AP2A1: variants seen among roughly 807,000 people sequenced by gnomAD.
AP2A1 encodes adaptor related protein complex 2 subunit alpha 1, also known as AP-2 complex subunit alpha-1.
In AP2A1, 21 loss-of-function variants were observed where a neutral mutation model predicts 107.3. That is an observed-to-expected ratio of 0.20 (90% CI 0.14 to 0.28). The LOEUF is 0.28. Among genes scored for constraint, AP2A1 ranks in the 10% least tolerant of loss-of-function variants. AP2A1 has a pLI of 1.00. For synonymous variants in AP2A1, 602 were observed against 564.8 expected, an observed-to-expected ratio of 1.07 and a Z score of -0.93; for missense variants, 873 against 1,307.7, an observed-to-expected ratio of 0.67 and a Z score of 5.13.
At chr19:49,779,770 A>G (rs182831891) in intron 1 of AP2A1, among the ~76,000 whole-genome samples, 40 of 152,302 alleles carry the variant, frequency 2.6e-4, no homozygotes, top group African/African-American at 9.6e-4. Context: ...TGTCTTCTAA[A>G]TCCCGTGTAT....
intron 22 of AP2A1, chr19:49,806,474 T>G (rs2073387913): frequency 2.8e-6 from 4 of 1,440,456 alleles, no homozygotes; most frequent in East Asian, 2.5e-5. Flanking sequence ...GATTTCTACC[T>G]TTCCATATCC....
At position 49,801,759 on chromosome 19, in the gene AP2A1, G is replaced by A. The variant is rs2123752608; in HGVS notation, c.1823G>A (p.Arg608His). ...GAGGAGATGCCGCCCTTCCCCGAGC[G>A]CGAGTCGTCCATCCTGGCCAAGCTG... The part of the protein sequence containing the change: ...VLEEMPPFPE[R>H]ESSILAKLKR... The change falls in exon 14 of 23, where the codon CGC (arginine) becomes CAC (histidine). Residue 608 changes from arginine (R) to histidine (H), a missense_variant. Coordinates refer to ENST00000354293, the MANE Select transcript of AP2A1 (RefSeq NM_130787.3). The A allele has an allele frequency of 1.3e-6, 2 of 1,567,106 alleles. No homozygotes were observed. The highest frequency in any genetic ancestry group is 8.6e-7 in the Non-Finnish European group (1 of 1,158,668).
chr19:49,774,205 A>G lies in AP2A1; in HGVS notation c.67+7005A>G, dbSNP rs529721006. On this transcript the variant is annotated intron_variant, in intron 1 of 22. Transcript: ENST00000354293. The stretch of plus-strand genomic sequence containing the variant: ...GGTTATTGTGTGATGGCTTTGGTCC[A>G]CAAATCCGCATTCAACACCTCCCCT... 2.6e-5 allele frequency among the ~76,000 whole-genome samples: 4 copies of G among 152,302 alleles called. No individual in the cohort carries two copies. The South Asian group carries it at 8.3e-4, about 32-fold the overall frequency.
In AP2A1 at chr19:49,806,193, C is replaced by G; in HGVS notation, c.2730C>G (p.Ile910Met). 1 of 1,600,528 alleles carries G rather than the reference C, an allele frequency of 6.2e-7. No individual in the cohort carries two copies. Among genetic ancestry groups the G allele is most frequent in the Non-Finnish European group, 8.5e-7 (1 of 1,174,004 alleles). The change falls in exon 22 of 23, where the codon ATC (isoleucine) becomes ATG (methionine). Residue 910 changes from isoleucine (I) to methionine (M), a missense_variant. Ile to Met is a conservative substitution (Grantham distance 10). Around this residue, in one of 4 missense-constraint regions of AP2A1, gnomAD observed 416 missense variants for 473.4 expected, o/e 0.88. Transcript: ENST00000354293. ...NPENFVGAGIIQTKALQVGCL... is the reference protein window; with the variant it reads ...NPENFVGAGIMQTKALQVGCL... ...AGAACTTCGTGGGGGCGGGGATCAT[C>G]CAGACTAAAGCCCTGCAGGTGGGCT...
In AP2A1 at chr19:49,785,013, C is replaced by T. The variant is rs2084720552; in HGVS notation, c.473+2289C>T. ...ACTGAAGAAAGACATCAAAATGCAG[C>T]CCAAAGAAGACAAAGCGATGGGGAT... On this transcript the variant is annotated intron_variant, in intron 4 of 22. Transcript: ENST00000354293. The surrounding 1 kb of genome is among the most constrained non-coding windows in gnomAD (Gnocchi z 4.1). Among the ~76,000 whole-genome samples, 1 of 152,136 alleles carries T rather than the reference C, an allele frequency of 6.6e-6. No individual in the cohort carries two copies. Among genetic ancestry groups the T allele is most frequent in the Non-Finnish European group, 1.5e-5 (1 of 68,042 alleles).
intron 4 of AP2A1, among the ~76,000 whole-genome samples, chr19:49,791,197 C>T (rs2073138164): frequency 6.6e-6 from 1 of 152,178 alleles, no homozygotes. Context: ...AGTCTTTCCT[C>T]CTTAAGTTAC....
At chr19:49,775,029 G>A (rs11669134) in intron 1 of AP2A1, among the ~76,000 whole-genome samples, 28,667 of 151,760 alleles carry the variant, frequency 0.19, 2,912 homozygotes, top group Non-Finnish European at 0.23. Context: ...TTTGAGAACA[G>A]CCTAGGCAAC....
chr19:49,805,659 A>T lies in AP2A1; in HGVS notation c.2469-2A>T. On this transcript the variant is annotated splice_acceptor_variant, in intron 19 of 22. Transcript: ENST00000354293. LOFTEE classifies it high-confidence loss of function. The stretch of plus-strand genomic sequence containing the variant: ...AATGGAGCCTCCCTTTCACCTCATC[A>T]GGTACGGTGGCGCCCCCCAGGCCCT... The T allele has an allele frequency of 6.4e-7, 1 of 1,559,724 alleles. No individual in the cohort carries two copies. Among genetic ancestry groups the T allele is most frequent in the Non-Finnish European group, 8.7e-7 (1 of 1,152,648 alleles).
At chr19:49,787,859 T>A (rs1465428386) in intron 4 of AP2A1, among the ~76,000 whole-genome samples, 7 of 152,202 alleles carry the variant, frequency 4.6e-5, no homozygotes, top group Non-Finnish European at 8.8e-5. Context: ...GGACATTTCA[T>A]AGAAATGGAA....
chr19:49,791,309 C>T (rs1233158571), intron 4 of AP2A1, among the ~76,000 whole-genome samples: 2 of 152,132 alleles, frequency 1.3e-5, no homozygotes, highest in Non-Finnish European at 2.9e-5. Flanking sequence ...GGTGCACTGC[C>T]GCCTCGACCT....
intron 4 of AP2A1, among the ~76,000 whole-genome samples, chr19:49,786,229 T>TA (rs1468378798): frequency 6.6e-6 from 1 of 151,980 alleles, no homozygotes; most frequent in African/African-American, 2.4e-5. Context: ...ACACCCTGTC[T>TA]AAAAAAAATA....
At chr19:49,787,965 G>A (rs991643289) in intron 4 of AP2A1, among the ~76,000 whole-genome samples, 1 of 151,962 alleles carries the variant, frequency 6.6e-6, no homozygotes, top group Non-Finnish European at 1.5e-5. Context: ...TGATTTGCTC[G>A]AGATAGAGTC....
intron 1 of AP2A1, among the ~76,000 whole-genome samples, chr19:49,769,502 G>A (rs1177728138): frequency 1.3e-5 from 2 of 152,134 alleles, no homozygotes; most frequent in Non-Finnish European, 2.9e-5. Flanking sequence ...CCTGGCACAG[G>A]GAGGTGCATT....
chr19:49,792,570 C>T (rs2073159858), intron 5 of AP2A1, among the ~76,000 whole-genome samples: 1 of 151,978 alleles, frequency 6.6e-6, no homozygotes, highest in African/African-American at 2.4e-5. Flanking sequence ...GCCAGGGATC[C>T]TGTCCAGTGA....
chr19:49,805,378 A>G (rs2073352907), intron 18 of AP2A1, 75 bp from the exon 19 acceptor site: 1 of 1,436,188 alleles, frequency 7.0e-7, no homozygotes, highest in Non-Finnish European at 9.2e-7. Context: ...AGCTGCCGGG[A>G]GCTCTGGGGT....
rs956610338 is a variant in AP2A1, at chr19:49,771,717, A to AT, written c.67+4526dup. On this transcript the variant is annotated intron_variant, in intron 1 of 22. Coordinates refer to ENST00000354293, the MANE Select transcript of AP2A1 (RefSeq NM_130787.3). ...AGCCACCGCGCCTGGCCGTATCTCG[A>AT]TTTTTTTTTAAATGGGGAAAGAATT... Among the ~76,000 whole-genome samples the AT allele has an allele frequency of 4.6e-5, 7 of 151,440 alleles. 1 individual carries two copies. Among genetic ancestry groups the AT allele is most frequent in the South Asian group, 2.1e-4 (1 of 4,778 alleles).
In AP2A1 at chr19:49,799,444, C is replaced by G. The variant is rs920483294; in HGVS notation, c.1083C>G (p.Phe361Leu). 32 of 1,611,934 alleles carry G rather than the reference C, an allele frequency of 2.0e-5. No homozygotes were observed. The highest frequency in any genetic ancestry group is 2.6e-5 in the Non-Finnish European group (31 of 1,179,376). Residue 361 changes from phenylalanine to leucine, a missense_variant, in exon 9 of 23, where the codon TTC (phenylalanine) becomes TTG (leucine). Phe to Leu is a conservative substitution (Grantham distance 22, BLOSUM62 0). Around this residue, in one of 4 missense-constraint regions of AP2A1, gnomAD observed 213 missense variants for 443.5 expected, o/e 0.48. Coordinates refer to ENST00000354293, the MANE Select transcript of AP2A1 (RefSeq NM_130787.3). Reference sequence around the variant, plus strand: ...TGTGCACGCTGGCCAGCTCCGAGTTCTCCCATGAAGCCGTCAAGACGCACA... The same window carrying G: ...TGTGCACGCTGGCCAGCTCCGAGTTGTCCCATGAAGCCGTCAAGACGCACA... ...ESMCTLASSE[F>L]SHEAVKTHID...
chr19:49,796,267 G>A (rs1323681708), intron 7 of AP2A1: 1 of 153,904 alleles, frequency 6.5e-6, no homozygotes, highest in Non-Finnish European at 1.4e-5. Flanking sequence ...TGGCAAGGAG[G>A]AACAGCCAGT....
At position 49,782,845 on chromosome 19, in the gene AP2A1, G is replaced by A. The variant is rs570326815; in HGVS notation, c.473+121G>A. The A allele has an allele frequency of 5.1e-5, 61 of 1,187,394 alleles. No individual in the cohort carries two copies. In the African/African-American group the frequency reaches 7.2e-4, roughly 14 times the overall value. 73.6% of individuals were successfully genotyped at this position (1,187,394 alleles called of 1,614,324 possible). Reference sequence around the variant, plus strand: ...TCTCCCAGCCGAGATGTGGGCTAACGCTGGGCTGGGGACCCAGTGGTTCCG... The same window carrying A: ...TCTCCCAGCCGAGATGTGGGCTAACACTGGGCTGGGGACCCAGTGGTTCCG... On this transcript the variant is annotated intron_variant, in intron 4 of 22. Coordinates refer to ENST00000354293, the MANE Select transcript of AP2A1 (RefSeq NM_130787.3).
Sources: allele counts gnomAD v4.1 joint callset (sites outside exome capture counted in the v4.1 genomes callset), GRCh38; gene constraint gnomAD v4.1.1; regional missense constraint gnomAD v4.1.1; non-coding constraint Gnocchi (gnomAD v3.1); transcripts MANE v1.5; gene names NCBI Gene and HGNC (gene_info 2026-07-23, HGNC 2026-07-21).